PRR16: variants seen among roughly 807,000 people sequenced by gnomAD.
PRR16 encodes protein Largen.
PRR16 carries 6 observed loss-of-function variants against 18.2 expected under a neutral mutation model. The ratio of observed to expected loss-of-function variants is 0.33; its 90% CI spans 0.18 to 0.65. PRR16 has a LOEUF of 0.65. PRR16 is among the 30% of genes least tolerant of loss of function. The probability of loss-of-function intolerance (pLI) is 0.74; values close to 1 mark genes in which losing one functional copy is unlikely to be tolerated. For synonymous variants in PRR16, 151 were observed against 147.8 expected (o/e 1.02, Z -0.16); for missense variants, 412 against 376.6 (o/e 1.09, Z -0.78).
At chr5:120,794,470 T>C in the PRR16 span, among the ~76,000 whole-genome samples, 2 of 152,174 alleles carry the variant, frequency 1.3e-5, no homozygotes, top group Admixed American at 1.3e-4. Context: ...CATATTATTA[T>C]ATGTGTTATG....
chr5:120,536,542 T>C (rs1276590305), intron 1 of PRR16, among the ~76,000 whole-genome samples: 1 of 152,214 alleles, frequency 6.6e-6, no homozygotes, highest in Admixed American at 6.5e-5. Context: ...ATACATTGTA[T>C]AGTTTACACA....
the PRR16 span, among the ~76,000 whole-genome samples, chr5:120,778,635 G>A: frequency 1.3e-5 from 2 of 152,134 alleles, no homozygotes; most frequent in African/African-American, 4.8e-5. Flanking sequence ...TAACGTGATT[G>A]TATTCAGCAG....
chr5:120,600,176 A>C (rs1433796581), intron 1 of PRR16, among the ~76,000 whole-genome samples: 2 of 151,066 alleles, frequency 1.3e-5, no homozygotes, highest in Non-Finnish European at 3.0e-5. Context: ...TTTTCTGTTT[A>C]TGTTTTATCA....
chr5:120,657,829 T>C (rs1303299830), intron 1 of PRR16, among the ~76,000 whole-genome samples: 1 of 151,972 alleles, frequency 6.6e-6, no homozygotes, highest in Non-Finnish European at 1.5e-5. Context: ...TCCCACCTTC[T>C]GCTTTTTGTT....
intron 1 of PRR16, among the ~76,000 whole-genome samples, chr5:120,590,633 G>T (rs894932078): frequency 6.6e-6 from 1 of 152,074 alleles, no homozygotes; most frequent in African/African-American, 2.4e-5. Flanking sequence ...AGACTTAGAA[G>T]TTAGACAAAT....
chr5:120,546,837 G>C (rs1390374875), intron 1 of PRR16, among the ~76,000 whole-genome samples: 3 of 151,974 alleles, frequency 2.0e-5, no homozygotes, highest in African/African-American at 7.2e-5. Context: ...AGAAAGCAAT[G>C]TTATTAAGTG....
intron 1 of PRR16, among the ~76,000 whole-genome samples, chr5:120,540,142 A>G (rs995657455): frequency 6.6e-6 from 1 of 152,000 alleles, no homozygotes; most frequent in African/African-American, 2.4e-5. Flanking sequence ...GTTTTGTTTT[A>G]TTTTATTTAT....
intron 1 of PRR16, among the ~76,000 whole-genome samples, chr5:120,579,209 C>T (rs969703685): frequency 3.9e-5 from 6 of 152,088 alleles, no homozygotes; most frequent in African/African-American, 1.4e-4. Flanking sequence ...GTTGCTTGTT[C>T]ACTCTGATGA....
chr5:120,702,078 G>A, the PRR16 span, among the ~76,000 whole-genome samples: 5 of 151,996 alleles, frequency 3.3e-5, no homozygotes, highest in African/African-American at 4.8e-5. Flanking sequence ...CCCATAGTGA[G>A]GGAAGCAAGC....
At chr5:120,780,355 A>C in the PRR16 span, among the ~76,000 whole-genome samples, 3 of 152,104 alleles carry the variant, frequency 2.0e-5, no homozygotes, top group South Asian at 6.2e-4. Flanking sequence ...GTACTGTGTA[A>C]GTGATTGGAA....
chr5:120,697,667 G>A, the PRR16 span, among the ~76,000 whole-genome samples: 1 of 152,032 alleles, frequency 6.6e-6, no homozygotes, highest in African/African-American at 2.4e-5. Flanking sequence ...AGATAAGGGT[G>A]GGGCCGTTTT....
chr5:120,769,834 C>CA, the PRR16 span, among the ~76,000 whole-genome samples: 4 of 151,846 alleles, frequency 2.6e-5, no homozygotes, highest in African/African-American at 9.7e-5. Context: ...CAACAGTGTA[C>CA]AAAGGTTCTA....
intron 1 of PRR16, among the ~76,000 whole-genome samples, chr5:120,566,516 T>C (rs536350783): frequency 6.6e-6 from 1 of 152,354 alleles, no homozygotes; most frequent in South Asian, 2.1e-4. Flanking sequence ...CTAGAATTTA[T>C]TGGTCCCACA....
At chr5:120,574,459 C>A (rs1753010245) in intron 1 of PRR16, among the ~76,000 whole-genome samples, 1 of 151,892 alleles carries the variant, frequency 6.6e-6, no homozygotes, top group Non-Finnish European at 1.5e-5. Flanking sequence ...CAAAAATTAG[C>A]CAGGCATGGT....
chr5:120,700,570 G>T, the PRR16 span, among the ~76,000 whole-genome samples: 1 of 152,010 alleles, frequency 6.6e-6, no homozygotes, highest in Non-Finnish European at 1.5e-5. Flanking sequence ...CCTAATAAGG[G>T]AACTGGGCAG....
chr5:120,663,764 A>G (rs542011932), intron 1 of PRR16, among the ~76,000 whole-genome samples: 1 of 152,228 alleles, frequency 6.6e-6, no homozygotes, highest in Admixed American at 6.5e-5. Flanking sequence ...GTTCCTTTAG[A>G]CAGTTGAGTC....
chr5:120,759,021 G>T, the PRR16 span, among the ~76,000 whole-genome samples: 1 of 126,464 alleles, frequency 7.9e-6, no homozygotes, highest in South Asian at 2.4e-4. Flanking sequence ...CTGTCACCCA[G>T]GCTGGAGTGC....
chr5:120,645,890 G>C (rs1023603051), intron 1 of PRR16, among the ~76,000 whole-genome samples: 21 of 151,748 alleles, frequency 1.4e-4, no homozygotes, highest in Non-Finnish European at 2.5e-4. Flanking sequence ...TCGTAAAACA[G>C]AGGAAATCCT....
chr5:120,562,406 T>C (rs1178982555), intron 1 of PRR16, among the ~76,000 whole-genome samples: 1 of 152,120 alleles, frequency 6.6e-6, no homozygotes, highest in Non-Finnish European at 1.5e-5. Flanking sequence ...GGCAACAGAT[T>C]ACTGTGACTT....
Sources: allele counts gnomAD v4.1 joint callset (sites outside exome capture counted in the v4.1 genomes callset), GRCh38; gene constraint gnomAD v4.1.1; transcripts MANE v1.5; gene names NCBI Gene and HGNC (gene_info 2026-07-23, HGNC 2026-07-21).